Variants in AAK1 observed in about 807,000 individuals in gnomAD.
AAK1 encodes the protein AP2 associated kinase 1, also known as AP2-associated protein kinase 1.
In AAK1, 37 loss-of-function variants were observed where a neutral mutation model predicts 116.0. That is an observed-to-expected ratio of 0.32 (90% confidence interval 0.25 to 0.42). The LOEUF is 0.42. AAK1 is among the 10% of genes least tolerant of loss of function. The pLI, the probability that AAK1 is intolerant of heterozygous loss-of-function variation, is 1.00. For synonymous variants in AAK1, 458 were observed against 439.9 expected (o/e 1.04, Z -0.51); for missense variants, 919 against 1,170.6 (o/e 0.79, Z 3.14).
At chr2:69,479,604 T>C (rs538577069) in intron 19 of AAK1, among the ~76,000 whole-genome samples, 2 of 152,202 alleles carry the variant, frequency 1.3e-5, no homozygotes, top group Non-Finnish European at 2.9e-5. Context: ...GGGTTGCCTC[T>C]GGCTTATTAT....
intron 17 of AAK1, among the ~76,000 whole-genome samples, chr2:69,493,576 A>C (rs1390921210): frequency 6.6e-6 from 1 of 152,152 alleles, no homozygotes; most frequent in Non-Finnish European, 1.5e-5. Context: ...CGGATCTGTA[A>C]ATACTCACTA....
At position 69,529,458 on chromosome 2, in the gene AAK1, T is replaced by C. The variant is rs1034179746; in HGVS notation, c.871+550A>G. The stretch of plus-strand genomic sequence containing the variant: ...CATCTGGTTAATGAATGTTAGTACA[T>C]ATGCTTGCTATGATGATACCAAATA... On this transcript the variant is annotated intron_variant, in intron 8 of 21. Coordinates refer to ENST00000409085, the MANE Select transcript of AAK1 (RefSeq NM_014911.5). Among the ~76,000 whole-genome samples, 4 of 152,310 alleles carry C rather than the reference T, an allele frequency of 2.6e-5. No homozygotes were observed. In the South Asian group the frequency reaches 8.3e-4, roughly 32 times the overall value.
At chr2:69,590,399 C>T (rs1203176978) in intron 2 of AAK1, among the ~76,000 whole-genome samples, 2 of 152,198 alleles carry the variant, frequency 1.3e-5, no homozygotes. Context: ...GGAGAGCACA[C>T]ATTCCAAGAA....
In AAK1 at chr2:69,518,955, T is replaced by C; in HGVS notation, c.1496A>G (p.Gln499Arg). The change falls in exon 12 of 22, where the codon CAG (glutamine) becomes CGG (arginine). Residue 499 changes from glutamine (Q) to arginine (R), a missense_variant and splice_region_variant. Transcript: ENST00000409085. ...AGGGCCACACTCTGACCACCTTACC[T>C]GCTGAGTCTGGGCCTGCTGCTGCTG... ...FYQQQQAQTQ[Q>R]FQAVHPATQK... 1 of 1,542,744 alleles carries C rather than the reference T, an allele frequency of 6.5e-7. No individual in the cohort carries two copies. The highest frequency in any genetic ancestry group is 2.4e-5 in the East Asian group (1 of 40,828).
In AAK1 at chr2:69,470,688, C is replaced by G. The variant is rs1219332980; in HGVS notation, c.*5181G>C. The G allele has an allele frequency of 1.0e-6, 1 of 985,332 alleles. No individual in the cohort carries two copies. The highest frequency in any genetic ancestry group is 1.2e-6 in the Non-Finnish European group (1 of 829,936). 61.0% of individuals were successfully genotyped at this position (985,332 alleles called of 1,614,324 possible). On this transcript the variant is annotated 3_prime_UTR_variant, in exon 22 of 22. Coordinates refer to ENST00000409085, the MANE Select transcript of AAK1 (RefSeq NM_014911.5). The stretch of plus-strand genomic sequence containing the variant: ...TTTACAACCCTGAGTCTGGTCATAT[C>G]CAGTGTAGGCTGGCAGGCGTCTTAT...
chr2:69,590,827 A>G (rs1164823403), intron 2 of AAK1, among the ~76,000 whole-genome samples: 1 of 152,228 alleles, frequency 6.6e-6, no homozygotes, highest in Admixed American at 6.5e-5. Context: ...ATAAATCACG[A>G]GAGATTTAAT....
At chr2:69,535,259 C>T (rs10205172) in intron 5 of AAK1, among the ~76,000 whole-genome samples, 11,055 of 152,196 alleles carry the variant, frequency 0.073, 1,133 homozygotes, top group African/African-American at 0.23. Flanking sequence ...CTTGAGGTGG[C>T]AGATACCCTA....
Position 69,471,313 on chromosome 2 carries a change from A to C in AAK1, c.*4556T>G, listed in dbSNP as rs1674668501. 1.0e-6 allele frequency: 1 copy of C among 985,484 alleles called. No individual in the cohort carries two copies. The highest frequency in any genetic ancestry group is 6.1e-5 in the Admixed American group (1 of 16,290). The allele number at this position is 985,484 out of a possible 1,614,324, so 61.0% of individuals were successfully genotyped here. The stretch of plus-strand genomic sequence containing the variant: ...TATTAGTGAAAGGAAATCTGGGAGA[A>C]GCAAAAGAGGTTTCTTGTTATAGAT... On this transcript the variant is annotated 3_prime_UTR_variant, in exon 22 of 22. Transcript: ENST00000409085.
chr2:69,638,471 T>C (rs1675547282), intron 2 of AAK1, among the ~76,000 whole-genome samples: 2 of 152,200 alleles, frequency 1.3e-5, no homozygotes, highest in African/African-American at 4.8e-5. Context: ...GCATTCTTGG[T>C]ACCTATTCAT....
intron 12 of AAK1, 44 bp from the exon 13 acceptor site, chr2:69,514,793 AAT>A: frequency 6.7e-7 from 1 of 1,500,148 alleles, no homozygotes; most frequent in Non-Finnish European, 8.9e-7. Flanking sequence ...GTCCCAGAAT[AAT>A]AGTCACAAAA....
At chr2:69,508,206 G>A (rs1417250240) in intron 14 of AAK1, among the ~76,000 whole-genome samples, 1 of 152,158 alleles carries the variant, frequency 6.6e-6, no homozygotes, top group Non-Finnish European at 1.5e-5. Context: ...TTAGACTTGT[G>A]TATCTTGTGG....
intron 2 of AAK1, among the ~76,000 whole-genome samples, chr2:69,611,787 A>G (rs936511114): frequency 6.6e-6 from 1 of 152,248 alleles, no homozygotes; most frequent in Admixed American, 6.5e-5. Flanking sequence ...ACTGTGGTAT[A>G]GACATGCAAT....
At position 69,473,643 on chromosome 2, in the gene AAK1, AT is replaced by A; in HGVS notation, c.*2225del. On this transcript the variant is annotated 3_prime_UTR_variant, in exon 22 of 22. Coordinates refer to ENST00000409085, the MANE Select transcript of AAK1 (RefSeq NM_014911.5). ...TTATGGGTAATATATGAAAAGAACA[AT>A]TTAGAGATACCTAATTTCTAAACTG... 1 of 977,776 alleles carries A rather than the reference AT, an allele frequency of 1.0e-6. No individual in the cohort carries two copies. Among genetic ancestry groups the A allele is most frequent in the Non-Finnish European group, 1.2e-6 (1 of 822,688 alleles). 60.6% of individuals were successfully genotyped at this position (977,776 alleles called of 1,614,324 possible).
intron 2 of AAK1, among the ~76,000 whole-genome samples, chr2:69,588,378 T>C (rs1441634819): frequency 2.0e-5 from 3 of 152,240 alleles, no homozygotes; most frequent in Admixed American, 1.3e-4. Flanking sequence ...CTTTTGCTGA[T>C]ATAGGACATG....
chr2:69,465,566 G>C lies in AAK1; in HGVS notation c.*10303C>G. ...GCTTGTTGGTTTGTGAAACAATTTTGTAGGCAGCAATGGGCTGGGCTTCTG... is the reference window on the plus strand; with the variant it reads ...GCTTGTTGGTTTGTGAAACAATTTTCTAGGCAGCAATGGGCTGGGCTTCTG... On this transcript the variant is annotated 3_prime_UTR_variant, in exon 22 of 22. Transcript: ENST00000409085. 7.7e-7 allele frequency: 1 copy of C among 1,290,980 alleles called. No homozygotes were observed. Among genetic ancestry groups the C allele is most frequent in the Non-Finnish European group, 1.0e-6 (1 of 988,880 alleles). The allele number at this position is 1,290,980 out of a possible 1,614,324, so 80.0% of individuals were successfully genotyped here.
At chr2:69,483,419 T>A (rs1249629466) in intron 17 of AAK1, among the ~76,000 whole-genome samples, 1 of 152,266 alleles carries the variant, frequency 6.6e-6, no homozygotes, top group Non-Finnish European at 1.5e-5. Flanking sequence ...TGCTCTGTTT[T>A]TCTGCTGAGT....
At chr2:69,523,559 G>A (rs529965009) in intron 10 of AAK1, among the ~76,000 whole-genome samples, 6 of 152,264 alleles carry the variant, frequency 3.9e-5, no homozygotes, top group African/African-American at 9.6e-5. Context: ...GCACTTACTC[G>A]TGATGGTGGT....
intron 5 of AAK1, among the ~76,000 whole-genome samples, chr2:69,536,495 C>T (rs1572934972): frequency 6.6e-6 from 1 of 152,196 alleles, no homozygotes; most frequent in East Asian, 1.9e-4. Context: ...AGAAACCCAA[C>T]TAGACAGTCG....
In AAK1 at chr2:69,469,897, T is replaced by C. The variant is rs979186912; in HGVS notation, c.*5972A>G. 189 of 985,300 alleles carry C rather than the reference T, an allele frequency of 1.9e-4. No individual in the cohort carries two copies. The highest frequency in any genetic ancestry group is 2.3e-4 in the Non-Finnish European group (188 of 829,926). 61.0% of individuals were successfully genotyped at this position (985,300 alleles called of 1,614,324 possible). On this transcript the variant is annotated 3_prime_UTR_variant, in exon 22 of 22. Coordinates refer to ENST00000409085, the MANE Select transcript of AAK1 (RefSeq NM_014911.5). Reference sequence around the variant, plus strand: ...ATTTTGAGGCTCCAAATTATGTAGATTTCAGCAAGAACTCACATGCTTCAG... The same window carrying C: ...ATTTTGAGGCTCCAAATTATGTAGACTTCAGCAAGAACTCACATGCTTCAG...
Sources: gnomAD v4.1 joint callset for allele counts (sites outside exome capture counted in the v4.1 genomes callset) on GRCh38, gnomAD v4.1.1 for gene constraint, MANE v1.5 for transcripts, NCBI Gene and HGNC (gene_info 2026-07-23, HGNC 2026-07-21) for gene names.